The following NYAP2 variants were observed in gnomAD, a reference collection of about 807,000 sequenced individuals.
NYAP2 encodes neuronal tyrosine-phosphorylated phosphoinositide-3-kinase adaptor 2, also known as neuronal tyrosine-phosphorylated phosphoinositide-3-kinase adapter 2.
A neutral mutation model predicts 50.4 loss-of-function variants in NYAP2; 23 were observed. That is an observed-to-expected ratio of 0.46 (90% confidence interval 0.33 to 0.65). The LOEUF (loss-of-function observed/expected upper bound fraction) is 0.65, where lower values mean the gene tolerates loss of function less well. Ranked by LOEUF, NYAP2 falls within the 30% of genes least tolerant of loss-of-function variation. The probability of loss-of-function intolerance (pLI) is 0.02; values close to 1 mark genes in which losing one functional copy is unlikely to be tolerated. For synonymous variants in NYAP2, 394 were observed against 365.2 expected, an observed-to-expected ratio of 1.08 and a Z score of -0.90; for missense variants, 885 against 861.0, an observed-to-expected ratio of 1.03 and a Z score of -0.35.
intron 3 of NYAP2, among the ~76,000 whole-genome samples, chr2:225,463,006 A>G (rs1162179767): frequency 6.6e-6 from 1 of 152,252 alleles, no homozygotes; most frequent in Non-Finnish European, 1.5e-5. Flanking sequence ...AACTTAAATC[A>G]TGAAGCAGGT....
At chr2:225,696,838 ATCACTTTAACTCT>A in the NYAP2 span, among the ~76,000 whole-genome samples, 1 of 151,962 alleles carries the variant, frequency 6.6e-6, no homozygotes, top group South Asian at 2.1e-4. Flanking sequence ...GAGTTACCAA[ATCACTTTAACTCT>A]CATTTTATTC....
intron 4 of NYAP2, among the ~76,000 whole-genome samples, chr2:225,536,160 C>T (rs1691345941): frequency 6.6e-6 from 1 of 152,342 alleles, no homozygotes; most frequent in South Asian, 2.1e-4. Flanking sequence ...TAGTTCAGAG[C>T]TTATCTGGGA....
intron 3 of NYAP2, among the ~76,000 whole-genome samples, chr2:225,478,297 A>G (rs968672297): frequency 6.6e-6 from 1 of 152,176 alleles, no homozygotes; most frequent in African/African-American, 2.4e-5. Flanking sequence ...AACTGGGAAC[A>G]TGATGGTGCA....
At chr2:225,525,616 C>A (rs1177468345) in intron 4 of NYAP2, among the ~76,000 whole-genome samples, 2 of 152,088 alleles carry the variant, frequency 1.3e-5, no homozygotes, top group East Asian at 3.8e-4. Flanking sequence ...ACATTGGAGA[C>A]TCCAAGAGGT....
At chr2:225,662,389 T>A in the NYAP2 span, among the ~76,000 whole-genome samples, 2 of 152,188 alleles carry the variant, frequency 1.3e-5, no homozygotes, top group Non-Finnish European at 2.9e-5. Flanking sequence ...AGAAAACATA[T>A]CCTCGCCCAC....
At chr2:225,611,901 T>TACAC (rs147331159) in intron 5 of NYAP2, among the ~76,000 whole-genome samples, 171 of 145,616 alleles carry the variant, frequency 1.2e-3, no homozygotes, top group Non-Finnish European at 2.1e-3. Flanking sequence ...TGTGTGTGTA[T>TACAC]ACACACACAC....
rs187929197 is a variant in NYAP2, at chr2:225,616,675, A to C, written c.1619-10242A>C. ...AATTAAAGATTTTCAGAATTGAGCCAAGGTTTCCCATGAGGTAGGAACTGG... is the reference window on the plus strand; with the variant it reads ...AATTAAAGATTTTCAGAATTGAGCCCAGGTTTCCCATGAGGTAGGAACTGG... On this transcript the variant is annotated intron_variant, in intron 5 of 6. Coordinates refer to ENST00000636099, the Ensembl canonical transcript of NYAP2. 6.6e-5 allele frequency among the ~76,000 whole-genome samples: 10 copies of C among 152,292 alleles called. No individual in the cohort carries two copies. In the East Asian group the frequency reaches 1.9e-3, roughly 29 times the overall value.
Position 225,588,796 on chromosome 2 carries a change from A to C in NYAP2, c.1618+5761A>C, listed in dbSNP as rs1481105306. On this transcript the variant is annotated intron_variant, in intron 5 of 6. Transcript: ENST00000636099. ...GCAAAATGTTGAGCAAGTTGACCCG[A>C]ACAGGGGAGGCCTCACACAAAGGTG... 2.0e-5 allele frequency among the ~76,000 whole-genome samples: 3 copies of C among 152,314 alleles called. No individual in the cohort carries two copies. In the East Asian group the frequency reaches 5.8e-4, roughly 29 times the overall value.
chr2:225,598,175 GA>G (rs1346299816), intron 5 of NYAP2, among the ~76,000 whole-genome samples: 1 of 152,072 alleles, frequency 6.6e-6, no homozygotes, highest in Non-Finnish European at 1.5e-5. Context: ...ATAACTCTGA[GA>G]ACAAAGAGGC....
chr2:225,419,114 G>A lies in NYAP2; in HGVS notation c.221+10013G>A, dbSNP rs924307022. On this transcript the variant is annotated intron_variant, in intron 3 of 6. Transcript: ENST00000636099. ...CGCAGTTAGTGAAATCATGCAGTCGGCGATACTGATTCTAAGAGCTATATG... is the reference window on the plus strand; with the variant it reads ...CGCAGTTAGTGAAATCATGCAGTCGACGATACTGATTCTAAGAGCTATATG... Among the ~76,000 whole-genome samples, 4 of 152,284 alleles carry A rather than the reference G, an allele frequency of 2.6e-5. No homozygotes were observed. In the East Asian group the frequency reaches 7.7e-4, roughly 29 times the overall value.
At chr2:225,653,092 T>TA (rs1304277741) in exon 7 of NYAP2, 1 of 152,134 alleles carries the variant, frequency 6.6e-6, no homozygotes, top group Non-Finnish European at 1.5e-5. Flanking sequence ...ATAAATAAGA[T>TA]AAACTGCCAA....
chr2:225,501,961 C>A (rs1377824206), intron 3 of NYAP2, among the ~76,000 whole-genome samples: 3 of 152,022 alleles, frequency 2.0e-5, no homozygotes, highest in Admixed American at 1.3e-4. Context: ...AATGTTAAGG[C>A]AGGAACATGT....
At chr2:225,406,167 T>A (rs1169675581) in intron 2 of NYAP2, among the ~76,000 whole-genome samples, 1 of 151,932 alleles carries the variant, frequency 6.6e-6, no homozygotes, top group Non-Finnish European at 1.5e-5. Flanking sequence ...GTATGAAGTT[T>A]TAGAGCTAGA....
chr2:225,587,968 A>G (rs2106233620), intron 5 of NYAP2, among the ~76,000 whole-genome samples: 1 of 152,164 alleles, frequency 6.6e-6, no homozygotes, highest in Non-Finnish European at 1.5e-5. Flanking sequence ...TCTGCAGCCC[A>G]TGCTGGAGTG....
At position 225,582,995 on chromosome 2, in the gene NYAP2, C is replaced by T. The variant is rs762203293; in HGVS notation, c.1578C>T (p.Arg526=). The T allele has an allele frequency of 1.2e-6, 2 of 1,612,016 alleles. No individual in the cohort carries two copies. The highest frequency in any genetic ancestry group is 1.7e-6 in the Non-Finnish European group (2 of 1,179,576). Residue 526 remains arginine, a synonymous_variant, in exon 5 of 7, where the codon CGC becomes CGT. Coordinates refer to ENST00000636099, the Ensembl canonical transcript of NYAP2. This position sits in a 1 kb window ranked among gnomAD's most constrained non-coding sequence, Gnocchi z 7.0. ...TCTCCTCCGGCCGCAGCCTGCTGCG[C>T]AAGTCGTCCAGTGGCCGGCGCTCCA...
chr2:225,647,984 A>G (rs7584417), intron 6 of NYAP2, among the ~76,000 whole-genome samples: 1 of 614 alleles, frequency 1.6e-3, no homozygotes, highest in East Asian at 7.2e-3. Flanking sequence ...GTGTGTGTGC[A>G]TATGTATGTA....
At chr2:225,535,544 A>C (rs922453890) in intron 4 of NYAP2, among the ~76,000 whole-genome samples, 18 of 152,308 alleles carry the variant, frequency 1.2e-4, no homozygotes, top group African/African-American at 4.1e-4. Context: ...TTGGAGAGGA[A>C]AAAGAAGGTG....
At chr2:225,569,794 A>G (rs1192534807) in intron 4 of NYAP2, among the ~76,000 whole-genome samples, 1 of 152,162 alleles carries the variant, frequency 6.6e-6, no homozygotes, top group Non-Finnish European at 1.5e-5. Flanking sequence ...CGTTCTCCCT[A>G]TGTGTTCTCA....
the NYAP2 span, among the ~76,000 whole-genome samples, chr2:225,690,551 A>T: frequency 6.6e-6 from 1 of 152,132 alleles, no homozygotes; most frequent in Non-Finnish European, 1.5e-5. Context: ...ACAGTAACAC[A>T]TCACAGGCAA....
Sources: gnomAD v4.1 joint callset for allele counts (sites outside exome capture counted in the v4.1 genomes callset) on GRCh38, gnomAD v4.1.1 for gene constraint, Gnocchi (gnomAD v3.1) non-coding constraint, MANE v1.5 for transcripts, NCBI Gene and HGNC (gene_info 2026-07-23, HGNC 2026-07-21) for gene names.